The following SOX5 variants were observed in gnomAD, a reference collection of about 807,000 sequenced individuals.
The protein encoded by SOX5 is transcription factor SOX-5.
Under a neutral mutation model 92.0 loss-of-function variants are expected in SOX5, and 9 were observed. That is an observed-to-expected ratio of 0.10 (90% CI 0.06 to 0.17). SOX5 has a LOEUF of 0.17. Among genes scored for constraint, SOX5 ranks in the 10% least tolerant of loss-of-function variants. The pLI, the probability that SOX5 is intolerant of heterozygous loss-of-function variation, is 1.00. For missense variants in SOX5, 642 were observed against 944.5 expected (o/e 0.68, Z 4.20); for synonymous variants, 344 against 336.3 (o/e 1.02, Z -0.25).
intron 1 of SOX5, among the ~76,000 whole-genome samples, chr12:23,913,547 C>T (rs983494551): frequency 2.0e-5 from 3 of 151,772 alleles, no homozygotes; most frequent in Admixed American, 6.6e-5. Context: ...ACCAGCCTGG[C>T]CAACATGGTG....
intron 3 of SOX5, among the ~76,000 whole-genome samples, chr12:23,804,915 TTATATATATATATATATATATATATA>T (rs528741802): frequency 0.024 from 1,774 of 75,080 alleles, 127 homozygotes; most frequent in African/African-American, 0.073. Context: ...TATCATTGTT[TTATATATATATATATATATATATATA>T]TATATATATA....
intron 1 of SOX5, among the ~76,000 whole-genome samples, chr12:23,923,335 G>A (rs138389031): frequency 9.4e-6 from 1 of 106,108 alleles, no homozygotes; most frequent in Admixed American, 1.0e-4. Context: ...GAATGAATAC[G>A]TAAAAGCATA....
rs545034402 is a variant in SOX5, at chr12:23,795,972, C to A, written c.482-40248G>T. Reference sequence around the variant, plus strand: ...AGTCTGGGCGACAAGGTCAAGAAAACGGGTGTAATTTAAGAGTCTGAAACC... The same window carrying A: ...AGTCTGGGCGACAAGGTCAAGAAAAAGGGTGTAATTTAAGAGTCTGAAACC... On this transcript the variant is annotated intron_variant, in intron 3 of 14. Transcript: ENST00000451604. Among the ~76,000 whole-genome samples, 60 of 152,112 alleles carry A rather than the reference C, an allele frequency of 3.9e-4. 1 individual carries two copies. In the South Asian group the frequency reaches 0.012, roughly 29 times the overall value.
chr12:23,817,166 T>A (rs1480953055), intron 3 of SOX5, among the ~76,000 whole-genome samples: 2 of 152,210 alleles, frequency 1.3e-5, no homozygotes, highest in Non-Finnish European at 2.9e-5. Flanking sequence ...TATGTTTTTA[T>A]TATGGATCAG....
intron 2 of SOX5, among the ~76,000 whole-genome samples, chr12:24,282,351 GTAT>G (rs920430069): frequency 2.1e-4 from 31 of 149,814 alleles, no homozygotes; most frequent in African/African-American, 7.6e-4. Flanking sequence ...AAAACTTAAA[GTAT>G]AATAAAAATA....
intron 3 of SOX5, among the ~76,000 whole-genome samples, chr12:24,226,699 G>A (rs1962088525): frequency 6.6e-6 from 1 of 152,158 alleles, no homozygotes; most frequent in Non-Finnish European, 1.5e-5. Flanking sequence ...TTCAACTCCT[G>A]ACCTCAGGTG....
chr12:24,415,749 G>A lies in SOX5; in HGVS notation c.-250-47110C>T, dbSNP rs143573342. Among the ~76,000 whole-genome samples the A allele has an allele frequency of 1.8e-3, 270 of 152,280 alleles. 1 individual carries two copies. Among genetic ancestry groups the A allele is most frequent in the African/African-American group, 6.3e-3 (261 of 41,562 alleles). ...GTATGAAGTCAAATAAAATACACAC[G>A]TAGTATTGTTGAGCAATATCCGTAA... On this transcript the variant is annotated intron_variant, in intron 1 of 4. Transcript: ENST00000446891.
chr12:24,247,674 G>T (rs150805248), intron 3 of SOX5, among the ~76,000 whole-genome samples: 2 of 144,942 alleles, frequency 1.4e-5, no homozygotes, highest in Admixed American at 6.9e-5. Context: ...TTTTTGAGGC[G>T]GAGTTTTGCT....
At chr12:23,831,879 G>A (rs527239811) in intron 3 of SOX5, among the ~76,000 whole-genome samples, 4 of 151,330 alleles carry the variant, frequency 2.6e-5, no homozygotes, top group East Asian at 3.9e-4. Context: ...AGGTGTAGGC[G>A]TCCTGCTCAG....
chr12:23,850,771 C>T (rs1476265303), intron 2 of SOX5, among the ~76,000 whole-genome samples: 1 of 152,040 alleles, frequency 6.6e-6, no homozygotes, highest in African/African-American at 2.4e-5. Flanking sequence ...ACCACACTTA[C>T]TCCTTTGGGA....
chr12:24,480,412 C>T (rs1182951406), intron 1 of SOX5, among the ~76,000 whole-genome samples: 1 of 152,024 alleles, frequency 6.6e-6, no homozygotes, highest in Non-Finnish European at 1.5e-5. Flanking sequence ...CAAATGAGAT[C>T]GCAAAATGTT....
Position 23,557,750 on chromosome 12 carries a change from C to T in SOX5, c.1488+5508G>A, listed in dbSNP as rs568853062. Among the ~76,000 whole-genome samples, 6 of 152,128 alleles carry T rather than the reference C, an allele frequency of 3.9e-5. No homozygotes were observed. The South Asian group carries it at 6.2e-4, about 16-fold the overall frequency. ...CAGCGCTTTGGGAGGCCAAGGCGGGCGGATCATGAGGTCAGGAGATTGAGA... is the reference window on the plus strand; with the variant it reads ...CAGCGCTTTGGGAGGCCAAGGCGGGTGGATCATGAGGTCAGGAGATTGAGA... On this transcript the variant is annotated intron_variant, in intron 11 of 14. Transcript: ENST00000451604.
chr12:24,225,512 T>A (rs1186672190), intron 3 of SOX5, among the ~76,000 whole-genome samples: 1 of 151,944 alleles, frequency 6.6e-6, no homozygotes, highest in Non-Finnish European at 1.5e-5. Flanking sequence ...AGAGTTACAT[T>A]TCATTTTCTT....
intron 6 of SOX5, among the ~76,000 whole-genome samples, chr12:23,676,870 G>C (rs1164884792): frequency 6.6e-6 from 1 of 152,132 alleles, no homozygotes; most frequent in Admixed American, 6.5e-5. Flanking sequence ...GACATTATTT[G>C]TGTCTGTCTC....
chr12:24,433,221 G>A (rs1596572631), intron 1 of SOX5, among the ~76,000 whole-genome samples: 1 of 152,314 alleles, frequency 6.6e-6, no homozygotes, highest in Non-Finnish European at 1.5e-5. Context: ...GTTCTCAGTA[G>A]TTAAAATGTT....
rs554982037 is a variant in SOX5 at position 24,375,129 on chromosome 12, C to T, written c.-250-6490G>A. Reference sequence around the variant, plus strand: ...CTGGAACTACAGGCGCCCGCCACTACGCCCAGCTAATTTTTTTGTATTTTT... The same window carrying T: ...CTGGAACTACAGGCGCCCGCCACTATGCCCAGCTAATTTTTTTGTATTTTT... On this transcript the variant is annotated intron_variant, in intron 1 of 4. Transcript: ENST00000446891. 1.3e-3 allele frequency among the ~76,000 whole-genome samples: 200 copies of T among 152,070 alleles called. 1 individual carries two copies. Among genetic ancestry groups the T allele is most frequent in the African/African-American group, 4.4e-3 (183 of 41,524 alleles).
At chr12:24,527,584 T>G (rs2138593780) in intron 1 of SOX5, among the ~76,000 whole-genome samples, 1 of 152,326 alleles carries the variant, frequency 6.6e-6, no homozygotes. Flanking sequence ...AGGACTCTAT[T>G]CTATATTTCT....
intron 4 of SOX5, among the ~76,000 whole-genome samples, chr12:24,111,421 C>A (rs1331867342): frequency 6.6e-6 from 1 of 152,030 alleles, no homozygotes; most frequent in Non-Finnish European, 1.5e-5. Context: ...AAAACAATTA[C>A]CAAAAAGTCA....
At chr12:24,164,384 A>G (rs928245546) in intron 4 of SOX5, among the ~76,000 whole-genome samples, 2 of 152,076 alleles carry the variant, frequency 1.3e-5, no homozygotes, top group Non-Finnish European at 2.9e-5. Flanking sequence ...ATACATATAT[A>G]TTTTATCTAA....
Sources: allele counts gnomAD v4.1 joint callset (sites outside exome capture counted in the v4.1 genomes callset), GRCh38; gene constraint gnomAD v4.1.1; transcripts MANE v1.5; gene names NCBI Gene and HGNC (gene_info 2026-07-23, HGNC 2026-07-21).